The following MTDH variants were observed in gnomAD, a reference collection of about 807,000 sequenced individuals.
The protein encoded by MTDH is protein LYRIC.
In MTDH, 34 loss-of-function variants were observed where a neutral mutation model predicts 72.7. The observed-to-expected ratio is 0.47, with a 90% confidence interval of 0.36 to 0.62. The LOEUF (loss-of-function observed/expected upper bound fraction) is 0.62, where lower values mean the gene tolerates loss of function less well. Ranked by LOEUF, MTDH falls within the 20% of genes least tolerant of loss-of-function variation. The pLI, the probability that MTDH is intolerant of heterozygous loss-of-function variation, is 0.00. For synonymous variants in MTDH, 266 were observed against 268.9 expected (o/e 0.99, Z 0.10); for missense variants, 677 against 699.4 (o/e 0.97, Z 0.36).
chr8:97,674,820 T>C (rs1199820242), intron 2 of MTDH, among the ~76,000 whole-genome samples: 1 of 152,028 alleles, frequency 6.6e-6, no homozygotes, highest in Non-Finnish European at 1.5e-5. Context: ...CATTCTTTTT[T>C]TTTTTCTTGA....
chr8:97,681,491 C>CTTTTTTTTTTTTTTTTTTTT (rs35262209), intron 2 of MTDH, among the ~76,000 whole-genome samples: 1 of 108,868 alleles, frequency 9.2e-6, no homozygotes, highest in African/African-American at 3.5e-5. Context: ...AGAATTTTTT[C>CTTTTTTTTTTTTTTTTTTTT]TTTTTTTTTT....
rs1815467214 is a variant in MTDH at position 97,729,175 on chromosome 8, C to T, written c.*4505C>T. ...GTCCAGGGCTTAAGTGATCCTCCTG[C>T]CTTGGCCTCCCAAAGTGCTGGTGTT... On this transcript the variant is annotated 3_prime_UTR_variant, in exon 12 of 12. Transcript: ENST00000336273. Among the ~76,000 whole-genome samples, 1 of 151,144 alleles carries T rather than the reference C, an allele frequency of 6.6e-6. No individual in the cohort carries two copies. Among genetic ancestry groups the T allele is most frequent in the South Asian group, 2.1e-4 (1 of 4,770 alleles).
chr8:97,653,396 A>T (rs1811848339), intron 1 of MTDH, among the ~76,000 whole-genome samples: 1 of 152,230 alleles, frequency 6.6e-6, no homozygotes, highest in Non-Finnish European at 1.5e-5. Flanking sequence ...CCAGTGAGTT[A>T]TGGCTTTATT....
At chr8:97,683,645 C>T (rs536272145) in intron 2 of MTDH, among the ~76,000 whole-genome samples, 1 of 152,164 alleles carries the variant, frequency 6.6e-6, no homozygotes, top group South Asian at 2.1e-4. Flanking sequence ...CCTCCCACCT[C>T]AACCTTCCAA....
rs565994233 is a variant in MTDH at position 97,676,125 on chromosome 8, A to G, written c.484-10543A>G. ...TGGTTAATTTTTGTATTTTTTGTAA[A>G]GACAGGGTCTCACTGTATTGCCCAG... On this transcript the variant is annotated intron_variant, in intron 2 of 11. Coordinates refer to ENST00000336273, the MANE Select transcript of MTDH (RefSeq NM_178812.4). Among the ~76,000 whole-genome samples the G allele has an allele frequency of 3.9e-5, 6 of 152,164 alleles. No individual in the cohort carries two copies. In the South Asian group the frequency reaches 1.2e-3, roughly 32 times the overall value.
At chr8:97,682,818 C>T (rs576595022) in intron 2 of MTDH, among the ~76,000 whole-genome samples, 1 of 151,436 alleles carries the variant, frequency 6.6e-6, no homozygotes, top group East Asian at 1.9e-4. Flanking sequence ...TGTTTTAATT[C>T]TTAAAATAAC....
intron 2 of MTDH, among the ~76,000 whole-genome samples, chr8:97,669,770 G>T (rs1203882527): frequency 1.3e-5 from 2 of 152,030 alleles, no homozygotes; most frequent in African/African-American, 4.8e-5. Context: ...TACAAAATTA[G>T]CTGGGCATGA....
intron 1 of MTDH, among the ~76,000 whole-genome samples, chr8:97,649,267 G>A (rs757156777): frequency 5.9e-5 from 9 of 152,140 alleles, no homozygotes; most frequent in Non-Finnish European, 1.3e-4. Context: ...CACTGCCACT[G>A]CCCTACTTTA....
intron 2 of MTDH, among the ~76,000 whole-genome samples, chr8:97,663,863 G>A (rs894474939): frequency 6.6e-6 from 1 of 151,748 alleles, no homozygotes. Context: ...TCTTACAAAT[G>A]AGAAATTTGA....
At chr8:97,686,625 A>T in intron 2 of MTDH, 43 bp from the exon 3 acceptor site, 1 of 1,321,940 alleles carries the variant, frequency 7.6e-7, no homozygotes, top group East Asian at 2.6e-5. Flanking sequence ...TACTTATTCA[A>T]AAACATAACA....
At chr8:97,658,304 G>A (rs7826029) in intron 1 of MTDH, among the ~76,000 whole-genome samples, 5,448 of 152,274 alleles carry the variant, frequency 0.036, 298 homozygotes, top group African/African-American at 0.12. Context: ...AGATAGGAGC[G>A]TATGAGCACC....
chr8:97,722,803 C>T (rs543279476), intron 10 of MTDH, 76 bp from the exon 11 acceptor site: 28 of 1,437,436 alleles, frequency 1.9e-5, no homozygotes, highest in Non-Finnish European at 1.7e-5. Flanking sequence ...TAAACCACCT[C>T]TTGGTATTAC....
chr8:97,711,096 A>G (rs1218698848), intron 8 of MTDH, among the ~76,000 whole-genome samples: 2 of 152,216 alleles, frequency 1.3e-5, no homozygotes, highest in Admixed American at 6.5e-5. Flanking sequence ...CTTGATAGGT[A>G]TATTTTTGTC....
intron 1 of MTDH, among the ~76,000 whole-genome samples, chr8:97,649,310 A>G (rs1811676037): frequency 6.6e-6 from 1 of 152,182 alleles, no homozygotes; most frequent in Admixed American, 6.5e-5. Context: ...GACTGTTCTA[A>G]CATCATCCTA....
At chr8:97,706,529 A>C (rs758084127) in intron 7 of MTDH, 97 bp from the exon 8 acceptor site, 109 of 1,205,894 alleles carry the variant, frequency 9.0e-5, no homozygotes, top group Non-Finnish European at 1.1e-4. Context: ...ACAATAACTT[A>C]AAATTACAGC....
chr8:97,719,307 A>T, intron 10 of MTDH, 118 bp downstream of exon 10: 4 of 969,974 alleles, frequency 4.1e-6, no homozygotes, highest in Non-Finnish European at 6.1e-6. Context: ...AGCCTGGCCA[A>T]CATAGTGAAA....
intron 2 of MTDH, among the ~76,000 whole-genome samples, chr8:97,670,498 C>T (rs983585517): frequency 1.2e-4 from 19 of 152,054 alleles, no homozygotes; most frequent in Admixed American, 9.2e-4. Flanking sequence ...GGCGTGTGCC[C>T]GTATAATCCC....
intron 10 of MTDH, among the ~76,000 whole-genome samples, chr8:97,721,317 C>T (rs1815113895): frequency 6.6e-6 from 1 of 152,048 alleles, no homozygotes; most frequent in Non-Finnish European, 1.5e-5. Flanking sequence ...GTGGTGTGCA[C>T]CTGTGGTCCC....
chr8:97,705,409 G>A (rs901321159), intron 7 of MTDH, among the ~76,000 whole-genome samples: 8 of 151,564 alleles, frequency 5.3e-5, no homozygotes, highest in Non-Finnish European at 1.0e-4. Flanking sequence ...AGACCAGCCT[G>A]GCCAACATGG....
Sources: allele counts gnomAD v4.1 joint callset (sites outside exome capture counted in the v4.1 genomes callset), GRCh38; gene constraint gnomAD v4.1.1; transcripts MANE v1.5; gene names NCBI Gene and HGNC (gene_info 2026-07-23, HGNC 2026-07-21).